DACH1: variants seen among roughly 807,000 people sequenced by gnomAD.
DACH1 encodes dachshund family transcription factor 1, also known as dachshund homolog 1.
DACH1 carries 12 observed loss-of-function variants against 54.2 expected under a neutral mutation model. The observed-to-expected ratio is 0.22, with a 90% confidence interval of 0.14 to 0.36. The LOEUF (loss-of-function observed/expected upper bound fraction) is 0.36, where lower values mean the gene tolerates loss of function less well. DACH1 is among the 10% of genes least tolerant of loss of function. The pLI is 1.00. For synonymous variants in DACH1, 386 were observed against 366.2 expected, an observed-to-expected ratio of 1.05 and a Z score of -0.62; for missense variants, 805 against 929.8, an observed-to-expected ratio of 0.87 and a Z score of 1.75.
chr13:71,668,775 A>G (rs1291568659), intron 2 of DACH1, among the ~76,000 whole-genome samples: 1 of 152,030 alleles, frequency 6.6e-6, no homozygotes, highest in Non-Finnish European at 1.5e-5. Context: ...AAATACAAAA[A>G]TTAGCCAGGC....
chr13:71,615,834 T>C (rs973017401), intron 3 of DACH1, among the ~76,000 whole-genome samples: 1 of 152,214 alleles, frequency 6.6e-6, no homozygotes, highest in African/African-American at 2.4e-5. Context: ...TGTTCATGTG[T>C]GTGTGTGTAT....
intron 1 of DACH1, among the ~76,000 whole-genome samples, chr13:71,742,700 T>A (rs1471155047): frequency 6.6e-6 from 1 of 152,054 alleles, no homozygotes; most frequent in Non-Finnish European, 1.5e-5. Context: ...TATTTCAACA[T>A]CATCTTCTTC....
intron 6 of DACH1, among the ~76,000 whole-genome samples, chr13:71,537,008 G>A (rs904542868): frequency 6.6e-6 from 1 of 151,960 alleles, no homozygotes; most frequent in African/African-American, 2.4e-5. Context: ...TCATTCCTCT[G>A]GTTAAAATCC....
chr13:71,536,350 A>G (rs1326323512), intron 6 of DACH1, among the ~76,000 whole-genome samples: 1 of 152,086 alleles, frequency 6.6e-6, no homozygotes, highest in Non-Finnish European at 1.5e-5. Context: ...TTAAAGTGTT[A>G]GTCTATGGAA....
At position 71,532,089 on chromosome 13, in the gene DACH1, CT is replaced by C. The variant is rs557945796; in HGVS notation, c.1570+24934del. On this transcript the variant is annotated intron_variant, in intron 6 of 10. Coordinates refer to ENST00000613252, the MANE Select transcript of DACH1 (RefSeq NM_080759.6). The stretch of plus-strand genomic sequence containing the variant: ...ATAAGCTAATGATATTAGTGAACTA[CT>C]TTTTCTAAGGTCTCTGATAACCAAA... Among the ~76,000 whole-genome samples, 597 of 152,008 alleles carry C rather than the reference CT, an allele frequency of 3.9e-3. 3 individuals carry two copies. Among genetic ancestry groups the C allele is most frequent in the African/African-American group, 0.013 (556 of 41,540 alleles).
intron 5 of DACH1, among the ~76,000 whole-genome samples, chr13:71,558,637 A>G (rs528642788): frequency 1.3e-5 from 2 of 152,166 alleles, no homozygotes; most frequent in African/African-American, 2.4e-5. Flanking sequence ...ATAAAAATAT[A>G]CAGTAAATAT....
At chr13:71,443,587 A>G (rs1874195650) in intron 10 of DACH1, among the ~76,000 whole-genome samples, 1 of 152,204 alleles carries the variant, frequency 6.6e-6, no homozygotes, top group Non-Finnish European at 1.5e-5. Context: ...TGGATATAAA[A>G]TATAACCTAA....
chr13:71,850,742 A>C (rs1873603012), intron 1 of DACH1, among the ~76,000 whole-genome samples: 1 of 152,212 alleles, frequency 6.6e-6, no homozygotes, highest in Non-Finnish European at 1.5e-5. Context: ...AGAAGGACTT[A>C]TGGCCACTGT....
chr13:71,450,508 CACA>C (rs748168154), intron 10 of DACH1, among the ~76,000 whole-genome samples: 1 of 152,078 alleles, frequency 6.6e-6, no homozygotes, highest in South Asian at 2.1e-4. Context: ...TTCCCTGAAT[CACA>C]ACAATATTGA....
intron 1 of DACH1, among the ~76,000 whole-genome samples, chr13:71,702,528 T>C (rs7984122): frequency 0.056 from 8,472 of 152,170 alleles, 689 homozygotes; most frequent in African/African-American, 0.18. Context: ...TTCCTCTACA[T>C]TGAAGCAGAA....
At chr13:71,554,411 C>T (rs957555892) in intron 6 of DACH1, among the ~76,000 whole-genome samples, 20 of 152,026 alleles carry the variant, frequency 1.3e-4, no homozygotes, top group African/African-American at 4.6e-4. Flanking sequence ...TATTGGGAAA[C>T]TGTCGGGCTA....
chr13:71,524,977 T>A (rs1252657466), intron 6 of DACH1, among the ~76,000 whole-genome samples: 1 of 152,168 alleles, frequency 6.6e-6, no homozygotes, highest in Non-Finnish European at 1.5e-5. Flanking sequence ...GCATTTAGCA[T>A]GACTTTTTGG....
intron 1 of DACH1, among the ~76,000 whole-genome samples, chr13:71,863,344 A>T (rs1290010973): frequency 1.3e-5 from 2 of 151,926 alleles, no homozygotes; most frequent in Non-Finnish European, 2.9e-5. Context: ...GTTAATGACT[A>T]CAATATTGCA....
intron 1 of DACH1, among the ~76,000 whole-genome samples, chr13:71,752,462 TTCTC>T (rs1013261770): frequency 2.1e-5 from 3 of 146,230 alleles, no homozygotes; most frequent in Non-Finnish European, 3.0e-5. Flanking sequence ...TTCTCTCTCT[TTCTC>T]TCTCTGTCTG....
At chr13:71,455,429 G>C (rs1252088842) in intron 10 of DACH1, among the ~76,000 whole-genome samples, 1 of 152,048 alleles carries the variant, frequency 6.6e-6, no homozygotes, top group Non-Finnish European at 1.5e-5. Context: ...TAATTTGCTT[G>C]TATTATCCTA....
chr13:71,691,139 A>G (rs1881457075), intron 1 of DACH1, among the ~76,000 whole-genome samples: 1 of 152,180 alleles, frequency 6.6e-6, no homozygotes, highest in Non-Finnish European at 1.5e-5. Flanking sequence ...CTTGCAGTGG[A>G]AATGGTCGAC....
At chr13:71,760,579 A>T (rs1885363791) in intron 1 of DACH1, among the ~76,000 whole-genome samples, 1 of 152,210 alleles carries the variant, frequency 6.6e-6, no homozygotes. Context: ...GCAAGAACTC[A>T]AAGTGGCAAT....
At chr13:71,757,800 GGT>G (rs1172943433) in intron 1 of DACH1, among the ~76,000 whole-genome samples, 3 of 152,080 alleles carry the variant, frequency 2.0e-5, no homozygotes, top group African/African-American at 7.2e-5. Context: ...TGGGATTACA[GGT>G]GTGAGCCACC....
intron 10 of DACH1, among the ~76,000 whole-genome samples, chr13:71,469,292 C>A (rs953260402): frequency 6.6e-6 from 1 of 151,772 alleles, no homozygotes; most frequent in African/African-American, 2.4e-5. Context: ...TATTAATATA[C>A]CTGTCTAAAT....
Sources: allele counts gnomAD v4.1 joint callset (sites outside exome capture counted in the v4.1 genomes callset), GRCh38; gene constraint gnomAD v4.1.1; transcripts MANE v1.5; gene names NCBI Gene and HGNC (gene_info 2026-07-23, HGNC 2026-07-21).